PXDNL: variants seen among roughly 807,000 people sequenced by gnomAD.
The protein encoded by PXDNL is probable oxidoreductase PXDNL.
In PXDNL, 145 loss-of-function variants were observed where a neutral mutation model predicts 150.8. The observed-to-expected ratio is 0.96, with a 90% CI of 0.84 to 1.10. The LOEUF (loss-of-function observed/expected upper bound fraction) is 1.10, where lower values mean the gene tolerates loss of function less well. PXDNL is among the 50% of genes least tolerant of loss of function. PXDNL has a pLI of 0.00. For synonymous variants in PXDNL, 757 were observed against 725.7 expected, an observed-to-expected ratio of 1.04 and a Z score of -0.69; for missense variants, 2,087 against 1,873.9, an observed-to-expected ratio of 1.11 and a Z score of -2.10.
chr8:51,499,740 T>C lies in PXDNL; in HGVS notation c.411A>G (p.Leu137=). The change falls in exon 5 of 23, where the codon CTA becomes CTG. Residue 137 remains leucine, a synonymous_variant. Coordinates refer to ENST00000356297, the MANE Select transcript of PXDNL (RefSeq NM_144651.5). ...LYIHFNQLEM[L]QPETFGDLLR... ...GAAGGTCTCCAAAGGTCTCTGGCTGTAGCATTTCTAGTTGGTTGAAATGAA... is the reference window on the plus strand; with the variant it reads ...GAAGGTCTCCAAAGGTCTCTGGCTGCAGCATTTCTAGTTGGTTGAAATGAA... 5 of 1,613,622 alleles carry C rather than the reference T, an allele frequency of 3.1e-6. No individual in the cohort carries two copies. The South Asian group carries it at 3.3e-5, about 11-fold the overall frequency.
Position 51,483,650 on chromosome 8 carries a change from T to A in PXDNL, c.517A>T (p.Lys173Ter). The stretch of plus-strand genomic sequence containing the variant: ...GCACTTGCTTTCACTTACAATCTTT[T>A]TAATGAATCCAGATTAGAAAAGCTC... The part of the protein sequence containing the change: ...AGSFSNLDSL[K>*]RLRLDSNALV... Residue 173 changes from lysine (K) to a stop codon, truncating the protein, a stop_gained, in exon 6 of 23, where the codon AAA (lysine) becomes TAA (stop). Coordinates refer to ENST00000356297, the MANE Select transcript of PXDNL (RefSeq NM_144651.5). LOFTEE classifies it high-confidence loss of function. 2.6e-6 allele frequency: 4 copies of A among 1,514,800 alleles called. No homozygotes were observed. Among genetic ancestry groups the A allele is most frequent in the Non-Finnish European group, 3.6e-6 (4 of 1,117,412 alleles). The allele number at this position is 1,514,800 out of a possible 1,614,324, so 93.8% of individuals were successfully genotyped here. A position where few individuals can be genotyped will look rare whatever the true frequency, so the allele number is the denominator to read the frequency against.
chr8:51,341,813 C>A (rs1042093818), intron 20 of PXDNL, among the ~76,000 whole-genome samples: 23 of 152,062 alleles, frequency 1.5e-4, no homozygotes, highest in African/African-American at 5.6e-4. Flanking sequence ...TACCAAAAAA[C>A]AAAAGATAAC....
At chr8:51,603,139 C>T (rs1190044545) in intron 2 of PXDNL, among the ~76,000 whole-genome samples, 1 of 151,810 alleles carries the variant, frequency 6.6e-6, no homozygotes, top group African/African-American at 2.4e-5. Context: ...CCTTTCTAGA[C>T]ATACTGCAAT....
At chr8:51,420,464 A>G (rs1808918098) in intron 14 of PXDNL, among the ~76,000 whole-genome samples, 1 of 152,214 alleles carries the variant, frequency 6.6e-6, no homozygotes, top group African/African-American at 2.4e-5. Flanking sequence ...TTATTAAAAA[A>G]TATTTCTAAC....
In PXDNL at chr8:51,687,999, C is replaced by T. The variant is rs564360718; in HGVS notation, c.165-33239G>A. 2.0e-5 allele frequency among the ~76,000 whole-genome samples: 3 copies of T among 152,296 alleles called. No homozygotes were observed. The East Asian group carries it at 5.8e-4, about 29-fold the overall frequency. On this transcript the variant is annotated intron_variant, in intron 1 of 22. Coordinates refer to ENST00000356297, the MANE Select transcript of PXDNL (RefSeq NM_144651.5). The stretch of plus-strand genomic sequence containing the variant: ...TGACATTTCAATTTCTATACAATTC[C>T]AATGATCTCAATGATATTCTTCTGC...
chr8:51,430,010 C>G (rs1020617614), intron 12 of PXDNL, among the ~76,000 whole-genome samples: 3 of 152,114 alleles, frequency 2.0e-5, no homozygotes, highest in African/African-American at 7.2e-5. Context: ...GCCTACGTGC[C>G]AGTGATGCTC....
At chr8:51,470,560 C>T (rs1267414819) in intron 8 of PXDNL, among the ~76,000 whole-genome samples, 1 of 152,026 alleles carries the variant, frequency 6.6e-6, no homozygotes, top group Non-Finnish European at 1.5e-5. Context: ...CAAGTGCTAT[C>T]GTTGAATTGT....
chr8:51,779,097 A>G (rs568497879), intron 1 of PXDNL, among the ~76,000 whole-genome samples: 21 of 152,358 alleles, frequency 1.4e-4, no homozygotes, highest in Admixed American at 9.1e-4. Flanking sequence ...ATAAATGACC[A>G]CTAATGAAAA....
At chr8:51,436,307 GT>G in intron 12 of PXDNL, 1 of 477,424 alleles carries the variant, frequency 2.1e-6, no homozygotes. Context: ...ATAGGACCTT[GT>G]TTTGTCTTAA....
At chr8:51,778,015 T>C (rs2037370851) in intron 1 of PXDNL, among the ~76,000 whole-genome samples, 1 of 151,998 alleles carries the variant, frequency 6.6e-6, no homozygotes, top group Non-Finnish European at 1.5e-5. Context: ...TACTAGCAAA[T>C]GCTCACAAGC....
chr8:51,756,393 G>GAAAAAAAA (rs199827186), intron 1 of PXDNL, among the ~76,000 whole-genome samples: 3 of 88,714 alleles, frequency 3.4e-5, no homozygotes, highest in Non-Finnish European at 2.3e-5. Flanking sequence ...CCCCATCACA[G>GAAAAAAAA]AAAAAAAAAA....
rs1433454048 is a variant in PXDNL, at chr8:51,335,729, C to A, written c.4146+3895G>T. 3.0e-5 allele frequency among the ~76,000 whole-genome samples: 4 copies of A among 135,086 alleles called. No homozygotes were observed. The East Asian group carries it at 6.6e-4, about 22-fold the overall frequency. The allele number at this position is 135,086 out of a possible 152,430, so 88.6% of individuals were successfully genotyped here. On this transcript the variant is annotated intron_variant, in intron 21 of 22. Coordinates refer to ENST00000356297, the MANE Select transcript of PXDNL (RefSeq NM_144651.5). The stretch of plus-strand genomic sequence containing the variant: ...CACACACACACACACACATCCATGC[C>A]CTCTCCACAGTCAGGTAAACTAGAT...
intron 18 of PXDNL, among the ~76,000 whole-genome samples, chr8:51,373,033 T>C (rs1322382132): frequency 6.6e-6 from 1 of 152,230 alleles, no homozygotes; most frequent in Non-Finnish European, 1.5e-5. Context: ...ACTATCTTGA[T>C]GTTATGGACT....
At chr8:51,508,960 A>G (rs368115719) in intron 4 of PXDNL, among the ~76,000 whole-genome samples, 16 of 152,296 alleles carry the variant, frequency 1.1e-4, no homozygotes, top group African/African-American at 3.8e-4. Context: ...TGGTTGTAAA[A>G]GAGATCCAGA....
At chr8:51,805,987 ATTTG>A (rs1307160306) in intron 1 of PXDNL, among the ~76,000 whole-genome samples, 1 of 152,178 alleles carries the variant, frequency 6.6e-6, no homozygotes, top group Non-Finnish European at 1.5e-5. Context: ...ATTCTGAAAG[ATTTG>A]TTTTACTAAA....
At chr8:51,511,969 T>G (rs956171502) in intron 4 of PXDNL, among the ~76,000 whole-genome samples, 1 of 152,172 alleles carries the variant, frequency 6.6e-6, no homozygotes, top group African/African-American at 2.4e-5. Context: ...TCAGTTGAAT[T>G]TTTAAAAGCA....
chr8:51,564,400 G>C (rs1812773347), intron 3 of PXDNL, among the ~76,000 whole-genome samples: 1 of 151,688 alleles, frequency 6.6e-6, no homozygotes. Context: ...TGAGGGTACT[G>C]TGCAGGTTTG....
intron 1 of PXDNL, among the ~76,000 whole-genome samples, chr8:51,677,258 A>C (rs1232110182): frequency 6.6e-6 from 1 of 152,180 alleles, no homozygotes; most frequent in Non-Finnish European, 1.5e-5. Flanking sequence ...TGATCTCCTG[A>C]TTATTTTTTG....
intron 1 of PXDNL, among the ~76,000 whole-genome samples, chr8:51,685,559 G>A (rs1009058363): frequency 6.6e-6 from 1 of 152,002 alleles, no homozygotes; most frequent in African/African-American, 2.4e-5. Context: ...TCTGGGTCAG[G>A]GCTAATATCA....
Sources: gnomAD v4.1 joint callset for allele counts (sites outside exome capture counted in the v4.1 genomes callset) on GRCh38, gnomAD v4.1.1 for gene constraint, MANE v1.5 for transcripts, NCBI Gene and HGNC (gene_info 2026-07-23, HGNC 2026-07-21) for gene names.